The following ADAM19 variants were observed in gnomAD, a reference collection of about 807,000 sequenced individuals.
ADAM19 encodes disintegrin and metalloproteinase domain-containing protein 19.
A neutral mutation model predicts 114.7 loss-of-function variants in ADAM19; 65 were observed. The ratio of observed to expected loss-of-function variants is 0.57; its 90% confidence interval spans 0.46 to 0.70. The LOEUF is 0.70. Among genes scored for constraint, ADAM19 ranks in the 30% least tolerant of loss-of-function variants. The pLI, the probability that ADAM19 is intolerant of heterozygous loss-of-function variation, is 0.00. For missense variants in ADAM19, 1,063 were observed against 1,204.7 expected, an observed-to-expected ratio of 0.88 and a Z score of 1.74; for synonymous variants, 466 against 460.5, an observed-to-expected ratio of 1.01 and a Z score of -0.15.
At chr5:157,517,184 C>G (rs1756117308) in intron 7 of ADAM19, among the ~76,000 whole-genome samples, 1 of 152,182 alleles carries the variant, frequency 6.6e-6, no homozygotes, top group Non-Finnish European at 1.5e-5. Context: ...GCCTAGTGCT[C>G]TCCCCACCAC....
rs138954708 is a variant in ADAM19 at position 157,535,230 on chromosome 5, C to A, written c.330+2683G>T. Among the ~76,000 whole-genome samples the A allele has an allele frequency of 7.2e-5, 11 of 152,380 alleles. No individual in the cohort carries two copies. In the East Asian group the frequency reaches 2.1e-3, roughly 29 times the overall value. Reference sequence around the variant, plus strand: ...AAAGCCAAGATAACAACCCTGGCTGCAGATTGCAAACCCTGTCATCCTTTC... The same window carrying A: ...AAAGCCAAGATAACAACCCTGGCTGAAGATTGCAAACCCTGTCATCCTTTC... On this transcript the variant is annotated intron_variant, in intron 4 of 22. Coordinates refer to ENST00000257527, the MANE Select transcript of ADAM19 (RefSeq NM_033274.5).
chr5:157,479,862 C>G lies in ADAM19; in HGVS notation c.*1087G>C. 1 of 985,636 alleles carries G rather than the reference C, an allele frequency of 1.0e-6. No individual in the cohort carries two copies. The highest frequency in any genetic ancestry group is 1.2e-6 in the Non-Finnish European group (1 of 829,998). The allele number at this position is 985,636 out of a possible 1,614,324, so 61.1% of individuals were successfully genotyped here. A position where few individuals can be genotyped will look rare whatever the true frequency, so the allele number is the denominator to read the frequency against. On this transcript the variant is annotated 3_prime_UTR_variant, in exon 23 of 23. Coordinates refer to ENST00000257527, the MANE Select transcript of ADAM19 (RefSeq NM_033274.5). Reference sequence around the variant, plus strand: ...CGTGTGTACTTTGTAAATAGCTGGGCTCCCTAAGGGGAAACCTCACCTAGA... The same window carrying G: ...CGTGTGTACTTTGTAAATAGCTGGGGTCCCTAAGGGGAAACCTCACCTAGA...
intron 5 of ADAM19, among the ~76,000 whole-genome samples, chr5:157,522,402 C>T (rs1413744518): frequency 6.6e-6 from 1 of 152,194 alleles, no homozygotes; most frequent in Non-Finnish European, 1.5e-5. Context: ...AGCCTATCAC[C>T]TAGGTATTAA....
At chr5:157,513,056 C>G (rs1204350488) in intron 8 of ADAM19, among the ~76,000 whole-genome samples, 1 of 152,150 alleles carries the variant, frequency 6.6e-6, no homozygotes, top group African/African-American at 2.4e-5. Flanking sequence ...TGTTCTGGGT[C>G]CTCACCCCAG....
At position 157,480,763 on chromosome 5, in the gene ADAM19, T is replaced by G. The variant is rs1468340937; in HGVS notation, c.*186A>C. The G allele has an allele frequency of 6.9e-7, 1 of 1,440,930 alleles. No individual in the cohort carries two copies. The highest frequency in any genetic ancestry group is 9.1e-7 in the Non-Finnish European group (1 of 1,103,718). 89.3% of individuals were successfully genotyped at this position (1,440,930 alleles called of 1,614,324 possible). Reference sequence around the variant, plus strand: ...CTAGAGGCCATCAGATCATAGTCCCTCTGGGCTTCCAAGGAAGCCGAGGAG... The same window carrying G: ...CTAGAGGCCATCAGATCATAGTCCCGCTGGGCTTCCAAGGAAGCCGAGGAG... On this transcript the variant is annotated 3_prime_UTR_variant, in exon 23 of 23. Coordinates refer to ENST00000257527, the MANE Select transcript of ADAM19 (RefSeq NM_033274.5).
At chr5:157,503,350 C>A (rs983012919) in intron 11 of ADAM19, among the ~76,000 whole-genome samples, 2 of 152,030 alleles carry the variant, frequency 1.3e-5, no homozygotes, top group African/African-American at 4.8e-5. Context: ...TGTAGGGTAG[C>A]AAGAGGCGGG....
chr5:157,488,172 C>T, intron 21 of ADAM19, 93 bp downstream of exon 21: 1 of 1,332,854 alleles, frequency 7.5e-7, no homozygotes, highest in South Asian at 1.3e-5. Context: ...CTCATGACCC[C>T]ACAAGTTTCA....
At chr5:157,510,733 T>G (rs1010665594) in intron 8 of ADAM19, among the ~76,000 whole-genome samples, 1 of 152,250 alleles carries the variant, frequency 6.6e-6, no homozygotes, top group African/African-American at 2.4e-5. Context: ...TCGTTTATGA[T>G]TTCTCTTTAT....
chr5:157,541,733 C>A (rs1364402425), intron 3 of ADAM19, among the ~76,000 whole-genome samples: 3 of 152,174 alleles, frequency 2.0e-5, no homozygotes, highest in African/African-American at 7.2e-5. Context: ...AAACTCAGGA[C>A]AATTCCTTTA....
intron 3 of ADAM19, among the ~76,000 whole-genome samples, chr5:157,547,515 C>G (rs1316232042): frequency 6.6e-6 from 1 of 152,214 alleles, no homozygotes; most frequent in East Asian, 1.9e-4. Flanking sequence ...CTCCCTTTCA[C>G]CATGGGGTAG....
At chr5:157,528,245 A>T (rs1756526753) in intron 5 of ADAM19, among the ~76,000 whole-genome samples, 1 of 152,170 alleles carries the variant, frequency 6.6e-6, no homozygotes, top group Non-Finnish European at 1.5e-5. Context: ...GAAGGCTGGG[A>T]AAGTAAGGCA....
At chr5:157,554,580 G>A (rs553723927) in intron 3 of ADAM19, among the ~76,000 whole-genome samples, 1 of 152,338 alleles carries the variant, frequency 6.6e-6, no homozygotes, top group African/African-American at 2.4e-5. Flanking sequence ...CTGGAGAGCA[G>A]AAGTAATTTC....
intron 2 of ADAM19, chr5:157,570,561 T>C (rs946357550): frequency 1.0e-5 from 2 of 193,426 alleles, no homozygotes; most frequent in African/African-American, 2.3e-5. Context: ...AAATGAAGTA[T>C]GTATTATGCA....
At chr5:157,505,140 T>A (rs73309982) in intron 11 of ADAM19, among the ~76,000 whole-genome samples, 46,033 of 138,108 alleles carry the variant, frequency 0.33, 8,989 homozygotes, top group African/African-American at 0.55. Context: ...AAAAAAAAAA[T>A]TTCCTCATGA....
intron 2 of ADAM19, among the ~76,000 whole-genome samples, chr5:157,567,101 T>C (rs1757684877): frequency 1.3e-5 from 2 of 152,184 alleles, no homozygotes; most frequent in Admixed American, 6.5e-5. Flanking sequence ...CTGCCACCTC[T>C]GGTTAGAAGC....
chr5:157,483,593 G>GA (rs1754831518), intron 21 of ADAM19, among the ~76,000 whole-genome samples: 1 of 151,904 alleles, frequency 6.6e-6, no homozygotes, highest in Non-Finnish European at 1.5e-5. Context: ...ATTACACTGG[G>GA]ATGGGGTGCA....
intron 3 of ADAM19, among the ~76,000 whole-genome samples, chr5:157,556,810 A>G (rs1345859417): frequency 6.6e-6 from 1 of 152,232 alleles, no homozygotes; most frequent in Non-Finnish European, 1.5e-5. Context: ...TGCCATGAGG[A>G]TTCAATAAGA....
At chr5:157,497,454 A>G (rs1176577805) in intron 13 of ADAM19, among the ~76,000 whole-genome samples, 1 of 152,150 alleles carries the variant, frequency 6.6e-6, no homozygotes, top group African/African-American at 2.4e-5. Flanking sequence ...AGTTTTCATG[A>G]CAGTCCTGTG....
intron 21 of ADAM19, among the ~76,000 whole-genome samples, chr5:157,486,667 C>T (rs1247633830): frequency 6.6e-6 from 1 of 152,020 alleles, no homozygotes; most frequent in Non-Finnish European, 1.5e-5. Flanking sequence ...GAGTGGACTG[C>T]TCGCCCGACC....
Sources: allele counts gnomAD v4.1 joint callset (sites outside exome capture counted in the v4.1 genomes callset), GRCh38; gene constraint gnomAD v4.1.1; transcripts MANE v1.5; gene names NCBI Gene and HGNC (gene_info 2026-07-23, HGNC 2026-07-21).